IRAK3: variants seen among roughly 807,000 people sequenced by gnomAD.
IRAK3 encodes interleukin 1 receptor associated kinase 3, also known as interleukin-1 receptor-associated kinase 3.
Under a neutral mutation model 56.6 loss-of-function variants are expected in IRAK3, and 57 were observed. The observed-to-expected ratio is 1.01, with a 90% CI of 0.81 to 1.26. IRAK3 has a LOEUF of 1.26. Among genes scored for constraint, IRAK3 ranks in the 50% most tolerant of loss-of-function variants. IRAK3 has a pLI of 0.00. For synonymous variants in IRAK3, 258 were observed against 255.7 expected (o/e 1.01, Z -0.09); for missense variants, 703 against 719.0 (o/e 0.98, Z 0.25).
chr12:66,233,521 A>AT (rs2052867576), intron 8 of IRAK3, among the ~76,000 whole-genome samples: 1 of 151,048 alleles, frequency 6.6e-6, no homozygotes, highest in African/African-American at 2.4e-5. Flanking sequence ...CCGTCTCGGA[A>AT]AAAAAAAAAG....
chr12:66,234,522 T>G (rs2052881772), intron 8 of IRAK3: 1 of 1,611,924 alleles, frequency 6.2e-7, no homozygotes, highest in Non-Finnish European at 8.5e-7. Context: ...GGGTCGTAAG[T>G]AAGTGTCATT....
intron 8 of IRAK3, among the ~76,000 whole-genome samples, chr12:66,244,200 T>C (rs896899679): frequency 2.0e-5 from 3 of 152,244 alleles, no homozygotes; most frequent in African/African-American, 7.2e-5. Flanking sequence ...CAGTTTCTCT[T>C]AGTGAGAAAG....
chr12:66,209,157 T>G (rs950842702), intron 2 of IRAK3, among the ~76,000 whole-genome samples: 34 of 151,946 alleles, frequency 2.2e-4, no homozygotes, highest in Non-Finnish European at 4.3e-4. Context: ...CAATTTGTCT[T>G]ATTACTTGTT....
chr12:66,213,116 A>G (rs1321433471), intron 5 of IRAK3, among the ~76,000 whole-genome samples: 1 of 152,150 alleles, frequency 6.6e-6, no homozygotes, highest in Non-Finnish European at 1.5e-5. Flanking sequence ...ATGGCTGGGG[A>G]GGCCTCAGTA....
chr12:66,242,033 C>T (rs2052975356), intron 8 of IRAK3, among the ~76,000 whole-genome samples: 1 of 152,152 alleles, frequency 6.6e-6, no homozygotes, highest in Admixed American at 6.5e-5. Context: ...TTTGCAGTCT[C>T]ATGATTCTGG....
intron 6 of IRAK3, among the ~76,000 whole-genome samples, chr12:66,224,379 C>G (rs1565806600): frequency 6.6e-6 from 1 of 152,076 alleles, no homozygotes; most frequent in African/African-American, 2.4e-5. Context: ...AGTAAACAGA[C>G]AATTTCAATA....
At chr12:66,189,917 G>A (rs2052383623) in intron 1 of IRAK3, among the ~76,000 whole-genome samples, 1 of 152,106 alleles carries the variant, frequency 6.6e-6, no homozygotes. Flanking sequence ...CAATGAACGC[G>A]GCTCCTAATT....
chr12:66,210,993 G>A (rs2052605624), intron 4 of IRAK3, among the ~76,000 whole-genome samples: 1 of 152,206 alleles, frequency 6.6e-6, no homozygotes, highest in African/African-American at 2.4e-5. Context: ...TTCACTCTGA[G>A]GAAGTAAATT....
Position 66,203,768 on chromosome 12 carries a change from A to G in IRAK3, c.191A>G (p.Gln64Arg). 6.2e-7 allele frequency: 1 copy of G among 1,614,118 alleles called. No individual in the cohort carries two copies. Among genetic ancestry groups the G allele is most frequent in the Non-Finnish European group, 8.5e-7 (1 of 1,179,982 alleles). ...CGTCATATTGAAAAGTATGTAGACC[A>G]AGGTAAAAGTGGAACAAGAGAATTA... ...DVRHIEKYVD[Q>R]GKSGTRELLW... is the part of the protein sequence containing the mutation. The change falls in exon 2 of 12, where the codon CAA becomes CGA. Residue 64 changes from glutamine (Q) to arginine (R), a missense_variant. Transcript: ENST00000261233.
intron 6 of IRAK3, among the ~76,000 whole-genome samples, chr12:66,221,309 G>A (rs893988328): frequency 2.0e-5 from 3 of 152,140 alleles, no homozygotes; most frequent in Non-Finnish European, 4.4e-5. Flanking sequence ...TGTAGACAGA[G>A]CCACCTTTAA....
intron 2 of IRAK3, among the ~76,000 whole-genome samples, chr12:66,206,343 A>G (rs955977886): frequency 6.6e-6 from 1 of 152,130 alleles, no homozygotes; most frequent in Non-Finnish European, 1.5e-5. Context: ...TCAGTCTTTC[A>G]TGATTAGTGA....
intron 5 of IRAK3, among the ~76,000 whole-genome samples, chr12:66,215,788 A>ACGTGCATGTGCGCGCGCGCG (rs375264640): frequency 7.6e-6 from 1 of 131,612 alleles, no homozygotes; most frequent in Admixed American, 7.3e-5. Flanking sequence ...CCCAACATGC[A>ACGTGCATGTGCGCGCGCGCG]CACACACACA....
intron 5 of IRAK3, among the ~76,000 whole-genome samples, chr12:66,214,797 A>G (rs1592586079): frequency 6.6e-6 from 1 of 152,196 alleles, no homozygotes. Context: ...AAAGGTCCCA[A>G]GGTGGTTCAC....
chr12:66,246,450 T>C (rs983625171), intron 11 of IRAK3, among the ~76,000 whole-genome samples: 1 of 152,064 alleles, frequency 6.6e-6, no homozygotes, highest in African/African-American at 2.4e-5. Context: ...AAACAAGGAG[T>C]TGACATAATC....
At chr12:66,210,823 CAG>C (rs1389449112) in intron 4 of IRAK3, among the ~76,000 whole-genome samples, 18 of 152,110 alleles carry the variant, frequency 1.2e-4, no homozygotes, top group Non-Finnish European at 2.6e-4. Context: ...TAAGTGTCTT[CAG>C]AGAGGATTTT....
intron 1 of IRAK3, chr12:66,197,836 A>G (rs1031391593): frequency 6.1e-6 from 6 of 985,288 alleles, no homozygotes; most frequent in Non-Finnish European, 7.2e-6. Flanking sequence ...TGATATTAGC[A>G]GTTTCTCAGC....
chr12:66,202,254 C>T (rs542620323), intron 1 of IRAK3, among the ~76,000 whole-genome samples: 5 of 152,206 alleles, frequency 3.3e-5, no homozygotes, highest in Non-Finnish European at 7.4e-5. Flanking sequence ...ACCTACATTT[C>T]CTTGCTCTGT....
intron 2 of IRAK3, among the ~76,000 whole-genome samples, chr12:66,206,183 C>G (rs970223823): frequency 3.9e-5 from 6 of 152,110 alleles, no homozygotes; most frequent in Admixed American, 2.0e-4. Context: ...CCATACAGCC[C>G]CCAGATTTCA....
chr12:66,226,976 G>C, intron 7 of IRAK3, 139 bp downstream of exon 7: 1 of 687,878 alleles, frequency 1.5e-6, no homozygotes, highest in Non-Finnish European at 2.7e-6. Context: ...CAAGGAAGCA[G>C]TACTTCTTGG....
Sources: allele counts gnomAD v4.1 joint callset (sites outside exome capture counted in the v4.1 genomes callset), GRCh38; gene constraint gnomAD v4.1.1; transcripts MANE v1.5; gene names NCBI Gene and HGNC (gene_info 2026-07-23, HGNC 2026-07-21).